Variants in NDST4 observed in about 807,000 individuals in gnomAD.
NDST4 encodes the protein N-heparan sulfate sulfotransferase 4.
NDST4 carries 63 observed loss-of-function variants against 100.8 expected under a neutral mutation model. That is an observed-to-expected ratio of 0.62 (90% CI 0.51 to 0.77). NDST4 has a LOEUF of 0.77. NDST4 is among the 30% of genes least tolerant of loss of function. NDST4 has a pLI of 0.00. For missense variants in NDST4, 943 were observed against 1,018.4 expected (o/e 0.93, Z 1.01); for synonymous variants, 377 against 361.8 (o/e 1.04, Z -0.48).
At chr4:115,031,887 A>G (rs1393140330) in intron 2 of NDST4, among the ~76,000 whole-genome samples, 1 of 152,094 alleles carries the variant, frequency 6.6e-6, no homozygotes, top group Non-Finnish European at 1.5e-5. Flanking sequence ...GAAAAGTCCC[A>G]TGGAACATTC....
chr4:115,106,490 A>G (rs141828181), intron 1 of NDST4, among the ~76,000 whole-genome samples: 28 of 152,194 alleles, frequency 1.8e-4, no homozygotes, highest in Admixed American at 1.6e-3. Context: ...AAAATCGCAT[A>G]GTATTTGCAT....
intron 2 of NDST4, among the ~76,000 whole-genome samples, chr4:115,025,837 C>T (rs147564834): frequency 1.6e-3 from 249 of 152,074 alleles, no homozygotes; most frequent in African/African-American, 5.2e-3. Context: ...CTATGCGGTA[C>T]GATTTTATTG....
chr4:114,830,469 C>T (rs940579463), intron 12 of NDST4, among the ~76,000 whole-genome samples: 1 of 152,208 alleles, frequency 6.6e-6, no homozygotes, highest in Non-Finnish European at 1.5e-5. Context: ...TAGACAACCT[C>T]TTATTTCTCT....
chr4:114,958,724 T>A (rs1450267515), intron 4 of NDST4, among the ~76,000 whole-genome samples: 1 of 152,176 alleles, frequency 6.6e-6, no homozygotes, highest in Non-Finnish European at 1.5e-5. Context: ...CCCCATTGTC[T>A]TGGTGATTAG....
intron 2 of NDST4, among the ~76,000 whole-genome samples, chr4:115,023,065 A>G (rs1249524182): frequency 6.6e-6 from 1 of 152,188 alleles, no homozygotes; most frequent in African/African-American, 2.4e-5. Context: ...AAAATGACAC[A>G]GTGGACTTTG....
chr4:114,948,338 C>A (rs1723740379), intron 4 of NDST4, among the ~76,000 whole-genome samples: 1 of 149,636 alleles, frequency 6.7e-6, no homozygotes, highest in Non-Finnish European at 1.5e-5. Flanking sequence ...TGTGCCTTCT[C>A]TTACTTAAAA....
intron 2 of NDST4, among the ~76,000 whole-genome samples, chr4:115,067,446 T>C (rs1205178361): frequency 6.6e-6 from 1 of 152,120 alleles, no homozygotes; most frequent in Non-Finnish European, 1.5e-5. Context: ...TAGCCTCTCA[T>C]CTTCTGTACT....
intron 1 of NDST4, among the ~76,000 whole-genome samples, chr4:115,104,885 C>G (rs1467022033): frequency 1.3e-5 from 2 of 152,098 alleles, no homozygotes; most frequent in African/African-American, 4.8e-5. Context: ...AGTCAGAGTA[C>G]TGACACATGT....
intron 2 of NDST4, among the ~76,000 whole-genome samples, chr4:115,067,468 GATAA>G (rs945657165): frequency 2.6e-5 from 4 of 151,500 alleles, no homozygotes; most frequent in African/African-American, 7.3e-5. Context: ...ACGTTCATAG[GATAA>G]ATAATGTCTT....
chr4:115,043,826 T>C (rs912221360), intron 2 of NDST4, among the ~76,000 whole-genome samples: 6 of 152,070 alleles, frequency 3.9e-5, no homozygotes, highest in East Asian at 1.9e-4. Context: ...GGATATAATA[T>C]AAAAGTTACT....
chr4:114,975,462 A>G (rs1055535673), intron 3 of NDST4, among the ~76,000 whole-genome samples: 1 of 152,128 alleles, frequency 6.6e-6, no homozygotes, highest in Non-Finnish European at 1.5e-5. Context: ...ATTAAAATAC[A>G]TCTTTCTTTT....
intron 6 of NDST4, among the ~76,000 whole-genome samples, chr4:114,887,202 G>T (rs1724496878): frequency 6.6e-6 from 1 of 152,162 alleles, no homozygotes; most frequent in Non-Finnish European, 1.5e-5. Context: ...TATTTATAAA[G>T]ACCTTTAAGA....
chr4:114,926,011 C>T (rs1224056455), intron 6 of NDST4, among the ~76,000 whole-genome samples: 1 of 152,114 alleles, frequency 6.6e-6, no homozygotes, highest in African/African-American at 2.4e-5. Flanking sequence ...AGTGTCTCAA[C>T]TTGAATGATG....
At chr4:114,933,456 T>TTTTTTTTTTTTTTTA in intron 6 of NDST4, among the ~76,000 whole-genome samples, 6 of 133,422 alleles carry the variant, frequency 4.5e-5, no homozygotes, top group Middle Eastern at 3.9e-3. Context: ...TTTTTTTTTG[T>TTTTTTTTTTTTTTTA]GTGTAAAAAC....
intron 2 of NDST4, among the ~76,000 whole-genome samples, chr4:115,061,409 G>T (rs1281823585): frequency 6.6e-6 from 1 of 152,124 alleles, no homozygotes; most frequent in Non-Finnish European, 1.5e-5. Context: ...TAAAGAAAAT[G>T]TGGCACATAT....
At chr4:114,974,314 T>C (rs1174542736) in intron 3 of NDST4, among the ~76,000 whole-genome samples, 2 of 151,868 alleles carry the variant, frequency 1.3e-5, no homozygotes, top group Non-Finnish European at 2.9e-5. Context: ...GGGGTAAGAA[T>C]GTAACACTCT....
chr4:115,106,680 C>A (rs1478062051), intron 1 of NDST4, among the ~76,000 whole-genome samples: 2 of 152,068 alleles, frequency 1.3e-5, no homozygotes, highest in Non-Finnish European at 2.9e-5. Flanking sequence ...AAATACTTTT[C>A]ATTTTCAGTT....
chr4:114,857,133 A>T (rs910155516), intron 7 of NDST4, among the ~76,000 whole-genome samples: 1 of 152,174 alleles, frequency 6.6e-6, no homozygotes, highest in Non-Finnish European at 1.5e-5. Flanking sequence ...TGCCTTGTGG[A>T]ATATCTGGCA....
intron 2 of NDST4, among the ~76,000 whole-genome samples, chr4:115,060,740 C>A (rs887450406): frequency 5.9e-5 from 9 of 151,600 alleles, no homozygotes; most frequent in African/African-American, 2.2e-4. Context: ...CATTTACACA[C>A]ACAAAAATAC....
Sources: gnomAD v4.1 joint callset for allele counts (sites outside exome capture counted in the v4.1 genomes callset) on GRCh38, gnomAD v4.1.1 for gene constraint, MANE v1.5 for transcripts, NCBI Gene and HGNC (gene_info 2026-07-23, HGNC 2026-07-21) for gene names.